The following WDR27 variants were observed in gnomAD, a reference collection of about 807,000 sequenced individuals.
The protein encoded by WDR27 is WD repeat-containing protein 27.
A neutral mutation model predicts 114.4 loss-of-function variants in WDR27; 100 were observed. The ratio of observed to expected loss-of-function variants is 0.87; its 90% CI spans 0.74 to 1.03. The LOEUF is 1.03. Among genes scored for constraint, WDR27 ranks in the 50% least tolerant of loss-of-function variants. The probability of loss-of-function intolerance (pLI) is 0.00; values close to 1 mark genes in which losing one functional copy is unlikely to be tolerated. For synonymous variants in WDR27, 449 were observed against 423.1 expected (o/e 1.06, Z -0.75); for missense variants, 1,129 against 1,092.9 (o/e 1.03, Z -0.47).
At position 169,626,426 on chromosome 6, in the gene WDR27, C is replaced by T. The variant is rs190318366; in HGVS notation, c.2223+6521G>A. Among the ~76,000 whole-genome samples the T allele has an allele frequency of 1.9e-3, 288 of 152,290 alleles. 2 individuals carry two copies. The highest frequency in any genetic ancestry group is 6.4e-3 in the African/African-American group (265 of 41,562). On this transcript the variant is annotated intron_variant, in intron 21 of 25. Transcript: ENST00000448612. ...GCAGGCTGTGCCAGGCTCCTGCTGCCTTCTCTGGGCCACACAGTGGGCGGT... is the reference window on the plus strand; with the variant it reads ...GCAGGCTGTGCCAGGCTCCTGCTGCTTTCTCTGGGCCACACAGTGGGCGGT...
intron 16 of WDR27, among the ~76,000 whole-genome samples, chr6:169,644,965 C>T (rs533136773): frequency 4.2e-5 from 4 of 94,432 alleles, no homozygotes; most frequent in Non-Finnish European, 5.8e-5. Flanking sequence ...GCCGAGATCC[C>T]GCCACTGCAC....
intron 25 of WDR27, among the ~76,000 whole-genome samples, chr6:169,540,728 C>T (rs1796737946): frequency 6.6e-6 from 1 of 152,064 alleles, no homozygotes; most frequent in African/African-American, 2.4e-5. Context: ...CCGCGCCTGG[C>T]CTGAATAGAA....
At chr6:169,613,716 G>C in intron 21 of WDR27, 60 bp from the exon 22 acceptor site, 1 of 1,401,076 alleles carries the variant, frequency 7.1e-7, no homozygotes, top group South Asian at 1.2e-5. Flanking sequence ...TAAGCGTTAT[G>C]CTAATGATAT....
chr6:169,554,578 G>T (rs780155290), intron 25 of WDR27, among the ~76,000 whole-genome samples: 12 of 152,132 alleles, frequency 7.9e-5, no homozygotes, highest in Non-Finnish European at 1.5e-4. Context: ...AAGCATTTCT[G>T]CATTCCAGAT....
At chr6:169,460,586 G>A (rs546677268) in intron 25 of WDR27, among the ~76,000 whole-genome samples, 35 of 152,178 alleles carry the variant, frequency 2.3e-4, no homozygotes, top group South Asian at 6.2e-4. Context: ...TAAGTCCCTC[G>A]TCATCAGTAA....
intron 13 of WDR27, among the ~76,000 whole-genome samples, chr6:169,654,751 G>A (rs915892042): frequency 8.1e-6 from 1 of 122,918 alleles, no homozygotes; most frequent in African/African-American, 3.2e-5. Flanking sequence ...GCGCGCACAG[G>A]GTTAGGCGGC....
At chr6:169,649,866 C>T (rs936889469) in intron 14 of WDR27, among the ~76,000 whole-genome samples, 4 of 148,916 alleles carry the variant, frequency 2.7e-5, no homozygotes, top group African/African-American at 1.0e-4. Flanking sequence ...ATCAATTGAG[C>T]CACTCATCCA....
chr6:169,661,893 A>G (rs1450032224), intron 9 of WDR27, among the ~76,000 whole-genome samples: 1 of 152,252 alleles, frequency 6.6e-6, no homozygotes, highest in African/African-American at 2.4e-5. Flanking sequence ...TTATGTTGCC[A>G]AATATGTAAT....
intron 21 of WDR27, among the ~76,000 whole-genome samples, chr6:169,628,329 T>A (rs1815389917): frequency 6.6e-6 from 1 of 152,148 alleles, no homozygotes; most frequent in Admixed American, 6.5e-5. Context: ...TATCCCAGTC[T>A]AGGGCATTTT....
chr6:169,670,991 T>A, intron 3 of WDR27: 1 of 285,892 alleles, frequency 3.5e-6, no homozygotes, highest in Non-Finnish European at 6.5e-6. Context: ...TCAAACTGCA[T>A]GTTTCGATGC....
At chr6:169,476,677 T>C (rs1787223931) in intron 25 of WDR27, among the ~76,000 whole-genome samples, 1 of 152,216 alleles carries the variant, frequency 6.6e-6, no homozygotes, top group Non-Finnish European at 1.5e-5. Context: ...TGGCTATTTT[T>C]TTTTAGTTAA....
At chr6:169,484,410 C>T (rs189209524) in intron 25 of WDR27, among the ~76,000 whole-genome samples, 60 of 152,276 alleles carry the variant, frequency 3.9e-4, no homozygotes, top group African/African-American at 1.4e-3. Context: ...CATGAGTGAA[C>T]TCCCATTCAC....
chr6:169,654,232 C>CA (rs1322536208), intron 13 of WDR27, among the ~76,000 whole-genome samples: 1 of 152,164 alleles, frequency 6.6e-6, no homozygotes, highest in Non-Finnish European at 1.5e-5. Flanking sequence ...GTTTTATACT[C>CA]AAAATCAATC....
In WDR27 at chr6:169,647,846, A is replaced by G; in HGVS notation, c.1584T>C (p.Ala528=). ...CCTGGGGGCCGGGCTTGGTGGGCAC[A>G]GCGCACTCCACGGGGTATGCCTCCC... ...CAREAYPVEC[A]VPTKPGPQVA... is the part of the protein sequence containing the mutation. The change falls in exon 16 of 26, where the codon GCT becomes GCC. Residue 528 remains alanine (A), a synonymous_variant. Transcript: ENST00000448612. 1 of 1,575,496 alleles carries G rather than the reference A, an allele frequency of 6.3e-7. No homozygotes were observed. Among genetic ancestry groups the G allele is most frequent in the Non-Finnish European group, 8.6e-7 (1 of 1,161,296 alleles).
intron 19 of WDR27, 113 bp from the exon 20 acceptor site, chr6:169,634,638 A>G (rs2128219399): frequency 1.5e-6 from 1 of 666,686 alleles, no homozygotes; most frequent in South Asian, 2.1e-5. Context: ...CACTTTAAAA[A>G]TCATATTTTA....
At chr6:169,464,354 C>A (rs1405161861) in intron 25 of WDR27, among the ~76,000 whole-genome samples, 1 of 152,132 alleles carries the variant, frequency 6.6e-6, no homozygotes, top group Non-Finnish European at 1.5e-5. Context: ...AAGCTGGATC[C>A]TTTCCTTACA....
At chr6:169,434,121 G>A in the WDR27 span, among the ~76,000 whole-genome samples, 1 of 152,148 alleles carries the variant, frequency 6.6e-6, no homozygotes, top group Non-Finnish European at 1.5e-5. Flanking sequence ...TTCGGCTTTT[G>A]TTGCCATTGC....
At chr6:169,551,282 G>C (rs189225829) in intron 25 of WDR27, among the ~76,000 whole-genome samples, 3 of 151,914 alleles carry the variant, frequency 2.0e-5, no homozygotes, top group Non-Finnish European at 4.4e-5. Flanking sequence ...CAATCACTTC[G>C]CTAAGTAATT....
Position 169,667,968 on chromosome 6 carries a change from C to A in WDR27, c.660+14G>T. 1 of 1,606,286 alleles carries A rather than the reference C, an allele frequency of 6.2e-7. No individual in the cohort carries two copies. Among genetic ancestry groups the A allele is most frequent in the Non-Finnish European group, 8.5e-7 (1 of 1,176,228 alleles). On this transcript the variant is annotated intron_variant, in intron 5 of 25. Transcript: ENST00000448612. ...CGTGCCACGCGGGAACGCCATCCAGCGTCCATCCCTCACCTTAAAGCCTCT... is the reference window on the plus strand; with the variant it reads ...CGTGCCACGCGGGAACGCCATCCAGAGTCCATCCCTCACCTTAAAGCCTCT...
Sources: gnomAD v4.1 joint callset for allele counts (sites outside exome capture counted in the v4.1 genomes callset) on GRCh38, gnomAD v4.1.1 for gene constraint, MANE v1.5 for transcripts, NCBI Gene and HGNC (gene_info 2026-07-23, HGNC 2026-07-21) for gene names.